The following COL23A1 variants were observed in gnomAD, a reference collection of about 807,000 sequenced individuals.
COL23A1 encodes the protein collagen alpha-1(XXIII) chain.
COL23A1 carries 97 observed loss-of-function variants against 99.3 expected under a neutral mutation model. That is an observed-to-expected ratio of 0.98 (90% CI 0.83 to 1.16). The LOEUF is 1.16. Among genes scored for constraint, COL23A1 ranks in the 50% most tolerant of loss-of-function variants. The probability of loss-of-function intolerance (pLI) is 0.00; values close to 1 mark genes in which losing one functional copy is unlikely to be tolerated. For synonymous variants in COL23A1, 320 were observed against 308.2 expected (o/e 1.04, Z -0.40); for missense variants, 762 against 757.4 (o/e 1.01, Z -0.07).
At chr5:178,372,229 G>A (rs1762837054) in intron 2 of COL23A1, among the ~76,000 whole-genome samples, 1 of 152,132 alleles carries the variant, frequency 6.6e-6, no homozygotes, top group Admixed American at 6.5e-5. Context: ...GGCACTTCGA[G>A]AGAGTGTTGC....
At chr5:178,318,374 C>G (rs1759089851) in intron 2 of COL23A1, among the ~76,000 whole-genome samples, 1 of 152,196 alleles carries the variant, frequency 6.6e-6, no homozygotes, top group Non-Finnish European at 1.5e-5. Context: ...GGGAGCTAAG[C>G]CACAGGCCAT....
At chr5:178,356,686 C>T (rs34030056) in intron 2 of COL23A1, among the ~76,000 whole-genome samples, 35,252 of 152,148 alleles carry the variant, frequency 0.23, 4,299 homozygotes, top group Middle Eastern at 0.3. Flanking sequence ...TAGCCATTGC[C>T]GCCGGAGCAG....
intron 5 of COL23A1, among the ~76,000 whole-genome samples, chr5:178,275,625 C>T (rs1324999019): frequency 2.0e-5 from 3 of 152,166 alleles, no homozygotes; most frequent in African/African-American, 7.2e-5. Flanking sequence ...TTCCTGCTGC[C>T]TCAGAATCGC....
intron 2 of COL23A1, among the ~76,000 whole-genome samples, chr5:178,420,174 G>A: frequency 6.6e-6 from 1 of 152,250 alleles, no homozygotes. Flanking sequence ...TCACTTATCA[G>A]CCACACGGCT....
chr5:178,376,190 A>G (rs1763063470), intron 2 of COL23A1, among the ~76,000 whole-genome samples: 1 of 152,234 alleles, frequency 6.6e-6, no homozygotes, highest in Non-Finnish European at 1.5e-5. Flanking sequence ...CTAAAGTACT[A>G]CAGGGCATGC....
chr5:178,573,157 A>G (rs891178937), intron 1 of COL23A1, among the ~76,000 whole-genome samples: 1 of 152,246 alleles, frequency 6.6e-6, no homozygotes, highest in African/African-American at 2.4e-5. Flanking sequence ...ACAGATGTCA[A>G]AATTTATTAA....
At chr5:178,319,100 G>A (rs1476795663) in intron 2 of COL23A1, among the ~76,000 whole-genome samples, 4 of 152,276 alleles carry the variant, frequency 2.6e-5, no homozygotes, top group African/African-American at 9.6e-5. Flanking sequence ...GTGGCCAGCG[G>A]TGGGTGGGGG....
At chr5:178,261,384 A>G (rs761781920) in intron 11 of COL23A1, among the ~76,000 whole-genome samples, 4 of 152,142 alleles carry the variant, frequency 2.6e-5, no homozygotes, top group Non-Finnish European at 4.4e-5. Flanking sequence ...ACTGCATTCC[A>G]GCCTAGGCGA....
chr5:178,245,297 TCATCATC>T (rs1273763328), intron 25 of COL23A1, among the ~76,000 whole-genome samples: 123 of 124,424 alleles, frequency 9.9e-4, no homozygotes, highest in African/African-American at 3.6e-3. Flanking sequence ...TCCACTGCCA[TCATCATC>T]CATCCATCCA....
At chr5:178,581,584 T>G (rs114978799) in intron 1 of COL23A1, among the ~76,000 whole-genome samples, 2,207 of 144,458 alleles carry the variant, frequency 0.015, 43 homozygotes, top group Middle Eastern at 0.083. Flanking sequence ...AAAAAAAAAT[T>G]AAAACGAAAA....
At chr5:178,585,715 C>T (rs934972646) in intron 1 of COL23A1, among the ~76,000 whole-genome samples, 50 of 115,420 alleles carry the variant, frequency 4.3e-4, no homozygotes, top group South Asian at 1.3e-3. Context: ...CCCTGGATGG[C>T]GCTGGGGTAA....
At chr5:178,367,792 G>A (rs544905304) in intron 2 of COL23A1, among the ~76,000 whole-genome samples, 2 of 152,360 alleles carry the variant, frequency 1.3e-5, no homozygotes, top group Admixed American at 1.3e-4. Context: ...TGGGGCACCA[G>A]CAGGTGGGTG....
chr5:178,375,821 C>T (rs778496878), intron 2 of COL23A1, among the ~76,000 whole-genome samples: 2 of 152,214 alleles, frequency 1.3e-5, no homozygotes, highest in African/African-American at 2.4e-5. Flanking sequence ...GATTCTTCTG[C>T]CTCAGTCTCC....
intron 2 of COL23A1, among the ~76,000 whole-genome samples, chr5:178,453,771 C>T (rs1002810093): frequency 1.3e-5 from 2 of 148,966 alleles, no homozygotes; most frequent in Middle Eastern, 3.4e-3. Flanking sequence ...CACACTTTTT[C>T]AGTAGCAGTA....
intron 2 of COL23A1, among the ~76,000 whole-genome samples, chr5:178,558,047 G>C (rs1762373895): frequency 6.6e-6 from 1 of 151,118 alleles, no homozygotes; most frequent in South Asian, 2.1e-4. Flanking sequence ...TGATGATCAG[G>C]GCTCCCCAGG....
intron 2 of COL23A1, among the ~76,000 whole-genome samples, chr5:178,497,736 T>C (rs1027256059): frequency 6.6e-6 from 1 of 152,126 alleles, no homozygotes; most frequent in African/African-American, 2.4e-5. Context: ...AAACATTTAA[T>C]GGGTGAGTTA....
chr5:178,317,924 C>T (rs1030169097), intron 2 of COL23A1, among the ~76,000 whole-genome samples: 3 of 152,134 alleles, frequency 2.0e-5, no homozygotes, highest in Non-Finnish European at 2.9e-5. Flanking sequence ...CACGAGATCT[C>T]GATGACTACC....
At chr5:178,301,637 C>T (rs1159422675) in intron 3 of COL23A1, among the ~76,000 whole-genome samples, 1 of 152,244 alleles carries the variant, frequency 6.6e-6, no homozygotes, top group Non-Finnish European at 1.5e-5. Flanking sequence ...TGGACTAATT[C>T]TTTAAAGTGT....
chr5:178,567,733 G>C (rs575891376), intron 1 of COL23A1, among the ~76,000 whole-genome samples: 1 of 152,252 alleles, frequency 6.6e-6, no homozygotes, highest in South Asian at 2.1e-4. Context: ...AGCTTAGAAT[G>C]GCCAAAGCTG....
Sources: gnomAD v4.1 joint callset for allele counts (sites outside exome capture counted in the v4.1 genomes callset) on GRCh38, gnomAD v4.1.1 for gene constraint, MANE v1.5 for transcripts, NCBI Gene and HGNC (gene_info 2026-07-23, HGNC 2026-07-21) for gene names.